Variants in GALNT10 observed in about 807,000 individuals in gnomAD.
GALNT10 encodes GalNAc transferase 10.
GALNT10 carries 41 observed loss-of-function variants against 75.0 expected under a neutral mutation model. The observed-to-expected ratio is 0.55, with a 90% CI of 0.43 to 0.71. The LOEUF is 0.71. GALNT10 is among the 30% of genes least tolerant of loss of function. GALNT10 has a pLI of 0.00. For missense variants in GALNT10, 727 were observed against 818.5 expected (o/e 0.89, Z 1.36); for synonymous variants, 302 against 313.0 (o/e 0.96, Z 0.37).
chr5:154,240,355 A>T (rs1195539056), intron 1 of GALNT10, among the ~76,000 whole-genome samples: 1 of 152,264 alleles, frequency 6.6e-6, no homozygotes, highest in Non-Finnish European at 1.5e-5. Context: ...GAGGAAGTAC[A>T]TAAAGCACTT....
chr5:154,210,448 A>G (rs1775179378), intron 1 of GALNT10, among the ~76,000 whole-genome samples: 2 of 151,916 alleles, frequency 1.3e-5, no homozygotes, highest in African/African-American at 4.8e-5. Context: ...CACCCTTCTA[A>G]TGGCAGCTCA....
chr5:154,224,297 A>G (rs1255775614), intron 1 of GALNT10, among the ~76,000 whole-genome samples: 1 of 152,230 alleles, frequency 6.6e-6, no homozygotes, highest in African/African-American at 2.4e-5. Context: ...GAAATGGACA[A>G]GAAAGGATAA....
chr5:154,287,957 T>A (rs74543074), intron 1 of GALNT10, among the ~76,000 whole-genome samples: 5 of 100,914 alleles, frequency 5.0e-5, no homozygotes, highest in Non-Finnish European at 8.6e-5. Flanking sequence ...TGTGTGTGTG[T>A]GTGAGAGAGA....
At chr5:154,374,481 T>C (rs1755626411) in intron 4 of GALNT10, among the ~76,000 whole-genome samples, 1 of 152,222 alleles carries the variant, frequency 6.6e-6, no homozygotes, top group South Asian at 2.1e-4. Flanking sequence ...AGTCATTTTT[T>C]TCACTCATTC....
chr5:154,211,714 C>T (rs1775200772), intron 1 of GALNT10, among the ~76,000 whole-genome samples: 1 of 152,174 alleles, frequency 6.6e-6, no homozygotes, highest in African/African-American at 2.4e-5. Flanking sequence ...TCTAAAGTCT[C>T]AACCGGAGCC....
chr5:154,276,709 A>G (rs1012672715), intron 1 of GALNT10, among the ~76,000 whole-genome samples: 3 of 152,212 alleles, frequency 2.0e-5, no homozygotes, highest in African/African-American at 7.2e-5. Flanking sequence ...AGAGGGAATA[A>G]CATGTATATA....
intron 4 of GALNT10, among the ~76,000 whole-genome samples, chr5:154,340,809 C>T (rs1755022280): frequency 6.6e-6 from 1 of 152,168 alleles, no homozygotes; most frequent in Non-Finnish European, 1.5e-5. Context: ...TCTGGAGGCA[C>T]CTTTAGAGCT....
chr5:154,198,050 C>A (rs573960853), intron 1 of GALNT10, among the ~76,000 whole-genome samples: 1 of 152,302 alleles, frequency 6.6e-6, no homozygotes, highest in East Asian at 1.9e-4. Context: ...ACAGCCTCTT[C>A]AGTAGCTGAA....
chr5:154,416,303 C>T lies in GALNT10; in HGVS notation c.1653+371C>T, dbSNP rs908439648. On this transcript the variant is annotated intron_variant, in intron 11 of 11. Transcript: ENST00000297107. This position sits in a 1 kb window ranked among gnomAD's most constrained non-coding sequence, Gnocchi z 4.5. ...CAAAAATCAGCCAGACATGGTGGCT[C>T]ATGCCTGTACTCCCAGCTACTCGGG... is the stretch of plus-strand genomic sequence containing the variant. Among the ~76,000 whole-genome samples, 8 of 152,072 alleles carry T rather than the reference C, an allele frequency of 5.3e-5. No homozygotes were observed. The highest frequency in any genetic ancestry group is 1.4e-4 in the African/African-American group (6 of 41,400).
intron 1 of GALNT10, among the ~76,000 whole-genome samples, chr5:154,208,300 C>G (rs1414673432): frequency 1.3e-5 from 2 of 152,078 alleles, no homozygotes; most frequent in Non-Finnish European, 2.9e-5. Context: ...GGAGTGAGCA[C>G]AGGCCTGAGA....
intron 1 of GALNT10, among the ~76,000 whole-genome samples, chr5:154,205,187 CAA>C (rs1271673847): frequency 3.9e-5 from 6 of 152,182 alleles, no homozygotes; most frequent in Non-Finnish European, 1.5e-5. Context: ...CAGAAGGCCT[CAA>C]AAGTGTTAGC....
intron 4 of GALNT10, among the ~76,000 whole-genome samples, chr5:154,373,654 TC>T (rs938813625): frequency 6.6e-6 from 1 of 151,696 alleles, no homozygotes; most frequent in East Asian, 1.9e-4. Flanking sequence ...TCATTTAAAG[TC>T]CCCCCCAGCT....
intron 4 of GALNT10, among the ~76,000 whole-genome samples, chr5:154,372,543 A>G (rs1302451077): frequency 6.6e-6 from 1 of 152,242 alleles, no homozygotes; most frequent in Non-Finnish European, 1.5e-5. Context: ...AAGAAAGTAC[A>G]TAAGTAAGAA....
intron 1 of GALNT10, among the ~76,000 whole-genome samples, chr5:154,195,785 C>T (rs6580057): frequency 0.33 from 50,217 of 152,078 alleles, 8,828 homozygotes; most frequent in African/African-American, 0.43. Flanking sequence ...TTATTTCTTT[C>T]AGGAGCCAAG....
At chr5:154,347,569 C>T (rs552244595) in intron 4 of GALNT10, among the ~76,000 whole-genome samples, 1 of 151,926 alleles carries the variant, frequency 6.6e-6, no homozygotes, top group Non-Finnish European at 1.5e-5. Flanking sequence ...GCTGTGTTGC[C>T]CAGGCTGGTC....
intron 1 of GALNT10, among the ~76,000 whole-genome samples, chr5:154,266,567 T>A: frequency 9.2e-6 from 1 of 109,166 alleles, no homozygotes; most frequent in Admixed American, 1.2e-4. Flanking sequence ...AATTAAAGAC[T>A]ATCATTAAAA....
At chr5:154,239,488 G>A (rs113813792) in intron 1 of GALNT10, among the ~76,000 whole-genome samples, 56 of 152,348 alleles carry the variant, frequency 3.7e-4, no homozygotes, top group African/African-American at 1.3e-3. Context: ...TATGGTGAAC[G>A]TGCATGCAAG....
intron 4 of GALNT10, among the ~76,000 whole-genome samples, chr5:154,350,761 G>A (rs1340607431): frequency 7.2e-5 from 11 of 152,172 alleles, no homozygotes; most frequent in South Asian, 2.1e-4. Context: ...GCTCGCTCCC[G>A]CACACCGCTA....
At chr5:154,282,063 A>C (rs1298263462) in intron 1 of GALNT10, among the ~76,000 whole-genome samples, 1 of 152,230 alleles carries the variant, frequency 6.6e-6, no homozygotes, top group Non-Finnish European at 1.5e-5. Context: ...ACAGTTCCTG[A>C]GGCTGGGAAG....
Sources: allele counts gnomAD v4.1 joint callset (sites outside exome capture counted in the v4.1 genomes callset), GRCh38; gene constraint gnomAD v4.1.1; non-coding constraint Gnocchi (gnomAD v3.1); transcripts MANE v1.5; gene names NCBI Gene and HGNC (gene_info 2026-07-23, HGNC 2026-07-21).